Variants in KMT5A observed in about 807,000 individuals in gnomAD.
KMT5A encodes N-lysine methyltransferase KMT5A.
KMT5A carries 6 observed loss-of-function variants against 40.6 expected under a neutral mutation model. The observed-to-expected ratio is 0.15, with a 90% confidence interval of 0.08 to 0.29. KMT5A has a LOEUF of 0.29. Ranked by LOEUF, KMT5A falls within the 10% of genes least tolerant of loss-of-function variation. The probability of loss-of-function intolerance (pLI) is 1.00; values close to 1 mark genes in which losing one functional copy is unlikely to be tolerated. For synonymous variants in KMT5A, 153 were observed against 178.8 expected (o/e 0.86, Z 1.15); for missense variants, 308 against 459.1 (o/e 0.67, Z 3.01).
rs1431667223 is a variant in KMT5A, at chr12:123,390,577, C to T, written c.133-53C>T. The T allele has an allele frequency of 1.1e-5, 17 of 1,596,730 alleles. No individual in the cohort carries two copies. The Admixed American group carries it at 2.6e-4, about 24-fold the overall frequency. The stretch of plus-strand genomic sequence containing the variant: ...TTTGTATTCCTCCTCCTCGTGAATG[C>T]TCTAGGATCTTCTTCTTCAAGCCTC... On this transcript the variant is annotated intron_variant, in intron 2 of 7. Transcript: ENST00000402868.
At chr12:123,401,960 G>C (rs1878215258) in intron 5 of KMT5A, among the ~76,000 whole-genome samples, 1 of 152,098 alleles carries the variant, frequency 6.6e-6, no homozygotes, top group Non-Finnish European at 1.5e-5. Flanking sequence ...ATGACTCACT[G>C]CAGCCTCAAC....
intron 1 of KMT5A, chr12:123,388,547 T>G (rs1274008790): frequency 6.6e-6 from 1 of 152,052 alleles, no homozygotes; most frequent in Non-Finnish European, 1.5e-5. Context: ...TGAGTCACAG[T>G]GTCACCATTG....
At chr12:123,386,452 G>T (rs531513054) in intron 1 of KMT5A, among the ~76,000 whole-genome samples, 56 of 152,274 alleles carry the variant, frequency 3.7e-4, no homozygotes, top group Admixed American at 8.5e-4. Context: ...CTGACCTCAG[G>T]TTATCTGCCC....
In KMT5A at chr12:123,401,715, G is replaced by A. The variant is rs190304728; in HGVS notation, c.598-1858G>A. On this transcript the variant is annotated intron_variant, in intron 5 of 7. Transcript: ENST00000402868. ...TCCTGCCTCAGCCTCCTGAGTAGCC[G>A]GGATTACAGGTGTGTGCCACCACGC... Among the ~76,000 whole-genome samples the A allele has an allele frequency of 1.7e-3, 257 of 152,036 alleles. 1 individual carries two copies. Among genetic ancestry groups the A allele is most frequent in the Non-Finnish European group, 2.8e-3 (190 of 67,984 alleles).
Position 123,384,341 on chromosome 12 carries a change from G to C in KMT5A, c.10+133G>C. 1.6e-6 allele frequency: 2 copies of C among 1,237,822 alleles called. No homozygotes were observed. Among genetic ancestry groups the C allele is most frequent in the Non-Finnish European group, 2.3e-6 (2 of 886,644 alleles). The allele number at this position is 1,237,822 out of a possible 1,614,324, so 76.7% of individuals were successfully genotyped here. On this transcript the variant is annotated intron_variant, in intron 1 of 7. Transcript: ENST00000402868. The surrounding 1 kb of genome is among the most constrained non-coding windows in gnomAD (Gnocchi z 5.7). ...CGGGGCAAGCTTGGGGACCCGCGTG[G>C]GGGGAGAGGGGGTGCTGCTGCGGAA...
intron 6 of KMT5A, 59 bp from the exon 7 acceptor site, chr12:123,404,825 C>G: frequency 6.5e-7 from 1 of 1,535,706 alleles, no homozygotes; most frequent in East Asian, 2.3e-5. Flanking sequence ...CGGAGACCTG[C>G]TGTGCACAGT....
intron 6 of KMT5A, 60 bp downstream of exon 6, chr12:123,403,692 G>C (rs1878341692): frequency 6.2e-7 from 1 of 1,601,206 alleles, no homozygotes; most frequent in Admixed American, 1.7e-5. Context: ...ACCTTCCCTG[G>C]TCCCGTGGCT....
In KMT5A at chr12:123,395,091, G is replaced by C. The variant is rs1240418668; in HGVS notation, c.334G>C (p.Glu112Gln). Reference sequence around the variant, plus strand: ...CGCAGTACGGAGCGCCATGAAGTCCGAGGAACAGAAGATCAAAGACGCCAG... The same window carrying C: ...CGCAGTACGGAGCGCCATGAAGTCCCAGGAACAGAAGATCAAAGACGCCAG... Reference protein sequence around the residue: ...GNAVRSAMKSEEQKIKDARKG... With the variant: ...GNAVRSAMKSQEQKIKDARKG... The change falls in exon 4 of 8, where the codon GAG (glutamate) becomes CAG (glutamine). Residue 112 changes from glutamate to glutamine, a missense_variant. Coordinates refer to ENST00000402868, the MANE Select transcript of KMT5A (RefSeq NM_020382.7). 1 of 1,594,176 alleles carries C rather than the reference G, an allele frequency of 6.3e-7. No individual in the cohort carries two copies. Among genetic ancestry groups the C allele is most frequent in the Admixed American group, 1.8e-5 (1 of 56,446 alleles).
intron 5 of KMT5A, among the ~76,000 whole-genome samples, chr12:123,400,518 G>A (rs971512240): frequency 6.6e-6 from 1 of 151,236 alleles, no homozygotes; most frequent in African/African-American, 2.4e-5. Flanking sequence ...TTGCCACCAC[G>A]CCCAGCTAAT....
At chr12:123,389,397 C>T (rs1877101317) in intron 1 of KMT5A, 36 bp from the exon 2 acceptor site, 4 of 1,036,606 alleles carry the variant, frequency 3.9e-6, no homozygotes, top group African/African-American at 1.7e-5. Flanking sequence ...GCCCTGAGCG[C>T]CCCCTCCCCC....
intron 1 of KMT5A, chr12:123,389,156 GCC>G (rs1222067925): frequency 1.0e-4 from 13 of 128,176 alleles, no homozygotes; most frequent in Non-Finnish European, 2.0e-4. Context: ...CGCGGGGCGC[GCC>G]GCCATGGGCC....
chr12:123,387,802 G>A (rs1876965940), intron 1 of KMT5A, among the ~76,000 whole-genome samples: 1 of 152,220 alleles, frequency 6.6e-6, no homozygotes, highest in Non-Finnish European at 1.5e-5. Context: ...AGGTGCTCTG[G>A]TGGATTATGG....
At chr12:123,385,952 T>G (rs1876849356) in intron 1 of KMT5A, among the ~76,000 whole-genome samples, 1 of 152,208 alleles carries the variant, frequency 6.6e-6, no homozygotes, top group South Asian at 2.1e-4. Context: ...ATTCTCATTT[T>G]TTGGAAGAGG....
chr12:123,388,103 C>G (rs1409407439), intron 1 of KMT5A, among the ~76,000 whole-genome samples: 1 of 152,208 alleles, frequency 6.6e-6, no homozygotes, highest in Non-Finnish European at 1.5e-5. Flanking sequence ...GTGACGGGAA[C>G]CTCGTCTGCC....
chr12:123,405,097 T>A lies in KMT5A; in HGVS notation c.848+23T>A, dbSNP rs1237657452. The A allele has an allele frequency of 6.3e-6, 10 of 1,589,094 alleles. No homozygotes were observed. In the East Asian group the frequency reaches 1.8e-4, roughly 29 times the overall value. On this transcript the variant is annotated intron_variant, in intron 7 of 7. Coordinates refer to ENST00000402868, the MANE Select transcript of KMT5A (RefSeq NM_020382.7). ...CTGGTGAGTCCACTGTTGCTTAGAGTGGCTTTTCTGTCCTCTGGGCAGTGA... is the reference window on the plus strand; with the variant it reads ...CTGGTGAGTCCACTGTTGCTTAGAGAGGCTTTTCTGTCCTCTGGGCAGTGA...
At chr12:123,387,344 G>C (rs552013483) in intron 1 of KMT5A, among the ~76,000 whole-genome samples, 2 of 152,204 alleles carry the variant, frequency 1.3e-5, no homozygotes, top group Non-Finnish European at 2.9e-5. Context: ...TGAGTGGGGC[G>C]TGGGGTGTGG....
chr12:123,391,619 C>T (rs901649357), intron 3 of KMT5A, among the ~76,000 whole-genome samples: 6 of 152,204 alleles, frequency 3.9e-5, no homozygotes, highest in South Asian at 4.1e-4. Flanking sequence ...TTAATGAAAA[C>T]GGTCTGGTCT....
chr12:123,407,880 C>T lies in KMT5A; in HGVS notation c.*177C>T. ...GTATTTAAATATCTGTTACAGGTTT[C>T]CAAGGTGGACTTGAACAGATGGCCT... On this transcript the variant is annotated 3_prime_UTR_variant, in exon 8 of 8. Coordinates refer to ENST00000402868, the MANE Select transcript of KMT5A (RefSeq NM_020382.7). 1.7e-6 allele frequency: 1 copy of T among 599,174 alleles called. No individual in the cohort carries two copies. The highest frequency in any genetic ancestry group is 2.1e-5 in the South Asian group (1 of 47,900). 37.1% of individuals were successfully genotyped at this position (599,174 alleles called of 1,614,324 possible).
intron 5 of KMT5A, among the ~76,000 whole-genome samples, chr12:123,401,432 ATCTT>A (rs1183244738): frequency 6.7e-6 from 1 of 149,942 alleles, no homozygotes; most frequent in East Asian, 2.0e-4. Context: ...ACAGGTGTAT[ATCTT>A]TCTTTTTTTT....
Sources: gnomAD v4.1 joint callset for allele counts (sites outside exome capture counted in the v4.1 genomes callset) on GRCh38, gnomAD v4.1.1 for gene constraint, Gnocchi (gnomAD v3.1) non-coding constraint, MANE v1.5 for transcripts, NCBI Gene and HGNC (gene_info 2026-07-23, HGNC 2026-07-21) for gene names.